Variants in STX10 observed in about 807,000 individuals in gnomAD.
The protein encoded by STX10 is syntaxin-10.
A neutral mutation model predicts 34.1 loss-of-function variants in STX10; 35 were observed. The ratio of observed to expected loss-of-function variants is 1.03; its 90% CI spans 0.78 to 1.36. The LOEUF is 1.36. Ranked by LOEUF, STX10 falls within the 40% of genes most tolerant of loss-of-function variation. The pLI, the probability that STX10 is intolerant of heterozygous loss-of-function variation, is 0.00. For missense variants in STX10, 361 were observed against 335.5 expected, an observed-to-expected ratio of 1.08 and a Z score of -0.59; for synonymous variants, 155 against 132.9, an observed-to-expected ratio of 1.17 and a Z score of -1.15.
Position 13,149,781 on chromosome 19 carries a change from C to T in STX10, c.152G>A (p.Arg51Gln), listed in dbSNP as rs1227350430. 3 of 1,614,152 alleles carry T rather than the reference C, an allele frequency of 1.9e-6. No individual in the cohort carries two copies. The highest frequency in any genetic ancestry group is 3.3e-5 in the Admixed American group (2 of 60,030). Residue 51 changes from arginine (R) to glutamine (Q), a missense_variant, in exon 2 of 8, where the codon CGG (arginine) becomes CAG (glutamine). Physicochemically the swap from Arg to Gln is conservative, Grantham distance 43. Coordinates refer to ENST00000587230, the MANE Select transcript of STX10 (RefSeq NM_003765.3). ...CCACTCGATGCTGCGCAGGCCATTCCGCAGCTCATTGGTCGTCCAGTCCAG... is the reference window on the plus strand; with the variant it reads ...CCACTCGATGCTGCGCAGGCCATTCTGCAGCTCATTGGTCGTCCAGTCCAG... ...EELDWTTNEL[R>Q]NGLRSIEWDL...
chr19:13,146,903 G>A (rs183802027), intron 4 of STX10, among the ~76,000 whole-genome samples: 592 of 152,158 alleles, frequency 3.9e-3, no homozygotes, highest in Non-Finnish European at 5.5e-3. Flanking sequence ...TGGAAGGCAC[G>A]TGGGCACTGC....
At chr19:13,148,452 G>A (rs1265324738) in intron 4 of STX10, among the ~76,000 whole-genome samples, 3 of 149,192 alleles carry the variant, frequency 2.0e-5, no homozygotes, top group Admixed American at 1.4e-4. Context: ...GCGGTGAGCC[G>A]AGATTGCACC....
intron 2 of STX10, 25 bp from the exon 3 acceptor site, chr19:13,149,618 G>C (rs202226736): frequency 1.2e-6 from 2 of 1,613,600 alleles, no homozygotes; most frequent in East Asian, 2.2e-5. Context: ...AAGGGTCAAG[G>C]CCGGAGCCAG....
chr19:13,144,621 T>C lies in STX10; in HGVS notation c.629A>G (p.Asp210Gly). 1 of 1,614,104 alleles carries C rather than the reference T, an allele frequency of 6.2e-7. No individual in the cohort carries two copies. Among genetic ancestry groups the C allele is most frequent in the Non-Finnish European group, 8.5e-7 (1 of 1,180,000 alleles). Residue 210 changes from aspartate to glycine, a missense_variant, in exon 7 of 8, where the codon GAC (aspartate) becomes GGC (glycine). Physicochemically the swap from Asp to Gly is moderately conservative, Grantham distance 94 (BLOSUM62 -1). Transcript: ENST00000587230. Reference sequence around the variant, plus strand: ...TTTGGCCAACTTCCTGAGGACCCCGTCCATGCGGGACTGGGTGTGGTCCAT... The same window carrying C: ...TTTGGCCAACTTCCTGAGGACCCCGCCCATGCGGGACTGGGTGTGGTCCAT... Reference protein sequence around the residue: ...QEMDHTQSRMDGVLRKLAKVS... With the variant: ...QEMDHTQSRMGGVLRKLAKVS...
At chr19:13,149,680 C>A in intron 2 of STX10, 48 bp downstream of exon 2, 2 of 1,608,714 alleles carry the variant, frequency 1.2e-6, no homozygotes, top group Non-Finnish European at 1.7e-6. Context: ...GGGCTGCCAC[C>A]GCAATGGGCT....
Position 13,149,510 on chromosome 19 carries a change from C to T in STX10, c.289G>A (p.Glu97Lys). Reference protein sequence around the residue: ...ERKVFVERMREAVQEMKDHMV... With the variant: ...ERKVFVERMRKAVQEMKDHMV... ...GGACCTTTCCTGACCTGGACTGCCT[C>T]TCGCATCCGCTCCACGAACACCTTT... The change falls in exon 3 of 8, where the codon GAG (glutamate) becomes AAG (lysine). Residue 97 changes from glutamate (E) to lysine (K), a missense_variant. Coordinates refer to ENST00000587230, the MANE Select transcript of STX10 (RefSeq NM_003765.3). 1 of 1,613,984 alleles carries T rather than the reference C, an allele frequency of 6.2e-7. No homozygotes were observed. The highest frequency in any genetic ancestry group is 8.5e-7 in the Non-Finnish European group (1 of 1,179,954).
Position 13,149,532 on chromosome 19 carries a change from C to T in STX10, c.267G>A (p.Lys89=). 1 of 1,614,132 alleles carries T rather than the reference C, an allele frequency of 6.2e-7. No individual in the cohort carries two copies. Among genetic ancestry groups the T allele is most frequent in the Non-Finnish European group, 8.5e-7 (1 of 1,180,024 alleles). ...CCTCTCGCATCCGCTCCACGAACAC[C>T]TTTCTCTCCTGCAGGTCCCCGGCTG... ...KLPAGDLQER[K]VFVERMREAV... The change falls in exon 3 of 8, where the codon AAG becomes AAA. Residue 89 remains lysine, a synonymous_variant. Coordinates refer to ENST00000587230, the MANE Select transcript of STX10 (RefSeq NM_003765.3).
intron 6 of STX10, 26 bp downstream of exon 6, chr19:13,144,738 G>T: frequency 6.2e-7 from 1 of 1,612,914 alleles, no homozygotes; most frequent in African/African-American, 1.3e-5. Flanking sequence ...AGAGCCCCTG[G>T]CCCACCCCCA....
At position 13,150,255 on chromosome 19, in the gene STX10, C is replaced by G. The variant is rs552467748; in HGVS notation, c.-82G>C. On this transcript the variant is annotated 5_prime_UTR_variant, in exon 1 of 8. Coordinates refer to ENST00000587230, the MANE Select transcript of STX10 (RefSeq NM_003765.3). The surrounding 1 kb of genome is among the most constrained non-coding windows in gnomAD (Gnocchi z 4.0). ...TTCCCTCCCAACCGAGGAGAACGCG[C>G]CGCCACCCCCGCCCCCGTCACGCCA... is the stretch of plus-strand genomic sequence containing the variant. The G allele has an allele frequency of 3.5e-4, 232 of 668,720 alleles. 1 individual carries two copies. In the African/African-American group the frequency reaches 4.0e-3, roughly 12 times the overall value. The allele number at this position is 668,720 out of a possible 1,614,324, so 41.4% of individuals were successfully genotyped here.
chr19:13,148,390 C>G (rs1435893005), intron 4 of STX10, among the ~76,000 whole-genome samples: 1 of 151,616 alleles, frequency 6.6e-6, no homozygotes, highest in Non-Finnish European at 1.5e-5. Flanking sequence ...ATAATCCCAG[C>G]TACTCGGGAG....
Position 13,149,855 on chromosome 19 carries a change from C to T in STX10, c.78G>A (p.Gln26=). The change falls in exon 2 of 8, where the codon CAG becomes CAA. Residue 26 remains glutamine (Q), a synonymous_variant. Coordinates refer to ENST00000587230, the MANE Select transcript of STX10 (RefSeq NM_003765.3). ...TTTCCTGCAGGAGCTCGCACCAGCG[C>T]TGGTACAGCCCGCGGGCCGTGTTCA... ...KAVNTARGLY[Q]RWCELLQESA... The T allele has an allele frequency of 1.9e-6, 3 of 1,612,036 alleles. No individual in the cohort carries two copies. Among genetic ancestry groups the T allele is most frequent in the Non-Finnish European group, 2.5e-6 (3 of 1,179,512 alleles).
In STX10 at chr19:13,145,390, G is replaced by A. The variant is rs747734385; in HGVS notation, c.369C>T (p.Leu123=). ...AFLERNNREI[L]AGKPAAQKSP... Reference sequence around the variant, plus strand: ...ACTTCTGGGCAGCTGGCTTGCCTGCGAGTATCTGCAGGGGCACACAACATA... The same window carrying A: ...ACTTCTGGGCAGCTGGCTTGCCTGCAAGTATCTGCAGGGGCACACAACATA... The change falls in exon 5 of 8, where the codon CTC becomes CTT. Residue 123 remains leucine (L), a synonymous_variant. Coordinates refer to ENST00000587230, the MANE Select transcript of STX10 (RefSeq NM_003765.3). 4.3e-6 allele frequency: 7 copies of A among 1,610,248 alleles called. No homozygotes were observed. Among genetic ancestry groups the A allele is most frequent in the Non-Finnish European group, 5.9e-6 (7 of 1,179,780 alleles).
chr19:13,150,121 C>G lies in STX10; in HGVS notation c.35+18G>C. On this transcript the variant is annotated intron_variant, in intron 1 of 7. Coordinates refer to ENST00000587230, the MANE Select transcript of STX10 (RefSeq NM_003765.3). The surrounding 1 kb of genome is among the most constrained non-coding windows in gnomAD (Gnocchi z 4.0). ...GGGTACAGAGCACCCTCCGCCCTCC[C>G]CCGTCGTTGTCACTCACCCTCGGAC... 8.7e-7 allele frequency: 1 copy of G among 1,149,686 alleles called. No individual in the cohort carries two copies. The highest frequency in any genetic ancestry group is 1.3e-6 in the Non-Finnish European group (1 of 771,790). The allele number at this position is 1,149,686 out of a possible 1,614,324, so 71.2% of individuals were successfully genotyped here.
Position 13,149,058 on chromosome 19 carries a change from C to G in STX10, c.334G>C (p.Val112Leu). 6.2e-7 allele frequency: 1 copy of G among 1,603,148 alleles called. No homozygotes were observed. Among genetic ancestry groups the G allele is most frequent in the African/African-American group, 1.3e-5 (1 of 74,800 alleles). ...MKDHMVSPTAVAFLERNNREI... is the reference protein window; with the variant it reads ...MKDHMVSPTALAFLERNNREI... ...CTGTTATTCCTCTCCAAAAATGCTACGGCTGTTGGGCTGACCATATGGTCC... is the reference window on the plus strand; with the variant it reads ...CTGTTATTCCTCTCCAAAAATGCTAGGGCTGTTGGGCTGACCATATGGTCC... The change falls in exon 4 of 8, where the codon GTA (valine) becomes CTA (leucine). Residue 112 changes from valine to leucine, a missense_variant. Transcript: ENST00000587230.
rs2019972325 is a variant in STX10, at chr19:13,148,823, AC to A, written c.363+205del. Reference sequence around the variant, plus strand: ...GGAAACCAGTATAGACCCAGAGGACACAGTAGAGAGGAACCCACGGACATAT... The same window carrying A: ...GGAAACCAGTATAGACCCAGAGGACAAGTAGAGAGGAACCCACGGACATAT... On this transcript the variant is annotated intron_variant, in intron 4 of 7. Transcript: ENST00000587230. Among the ~76,000 whole-genome samples, 3 of 152,130 alleles carry A rather than the reference AC, an allele frequency of 2.0e-5. No individual in the cohort carries two copies. The South Asian group carries it at 6.2e-4, about 32-fold the overall frequency.
intron 4 of STX10, among the ~76,000 whole-genome samples, chr19:13,145,699 GGCC>G (rs112072947): frequency 0.037 from 5,627 of 152,072 alleles, 354 homozygotes; most frequent in African/African-American, 0.13. Context: ...AGACCAGCCT[GGCC>G]AACATGGTGA....
intron 5 of STX10, 25 bp from the exon 6 acceptor site, chr19:13,144,895 G>A: frequency 6.3e-7 from 1 of 1,598,828 alleles, no homozygotes; most frequent in Admixed American, 1.7e-5. Flanking sequence ...GGTGGGAGAT[G>A]CTGTTGAAAA....
chr19:13,146,194 T>G (rs1489871712), intron 4 of STX10, among the ~76,000 whole-genome samples: 1 of 118,206 alleles, frequency 8.5e-6, no homozygotes, highest in Non-Finnish European at 1.7e-5. Flanking sequence ...TGACCTTGCC[T>G]CAAAAAAAAA....
intron 1 of STX10, 71 bp from the exon 2 acceptor site, chr19:13,149,968 A>C (rs2020021993): frequency 1.3e-6 from 2 of 1,513,306 alleles, no homozygotes; most frequent in Admixed American, 2.2e-5. Context: ...CCCCGACTGC[A>C]AACCCAAACG....
Sources: gnomAD v4.1 joint callset for allele counts (sites outside exome capture counted in the v4.1 genomes callset) on GRCh38, gnomAD v4.1.1 for gene constraint, Gnocchi (gnomAD v3.1) non-coding constraint, MANE v1.5 for transcripts, NCBI Gene and HGNC (gene_info 2026-07-23, HGNC 2026-07-21) for gene names.